Variants in EPS8L1 observed in about 807,000 individuals in gnomAD.
EPS8L1 encodes the protein EPS8 signaling adaptor L1.
A neutral mutation model predicts 91.7 loss-of-function variants in EPS8L1; 101 were observed. The ratio of observed to expected loss-of-function variants is 1.10; its 90% CI spans 0.94 to 1.30. The LOEUF (loss-of-function observed/expected upper bound fraction) is 1.30. EPS8L1 is among the 50% of genes most tolerant of loss of function. The pLI, the probability that EPS8L1 is intolerant of heterozygous loss-of-function variation, is 0.00. For missense variants in EPS8L1, 1,114 were observed against 1,017.0 expected (o/e 1.10, Z -1.30); for synonymous variants, 506 against 445.3 (o/e 1.14, Z -1.72).
chr19:55,087,105 C>A (rs2076360999), intron 18 of EPS8L1, 198 bp from the exon 19 acceptor site: 1 of 1,088,962 alleles, frequency 9.2e-7, no homozygotes, highest in Non-Finnish European at 1.3e-6. Flanking sequence ...ATCCCGTACC[C>A]TTTGAAAGCA....
chr19:55,080,842 C>T lies in EPS8L1; in HGVS notation c.500C>T (p.Ala167Val), dbSNP rs199851574. The T allele has an allele frequency of 8.7e-6, 14 of 1,609,748 alleles. No individual in the cohort carries two copies. Among genetic ancestry groups the T allele is most frequent in the South Asian group, 2.2e-5 (2 of 90,520 alleles). Residue 167 changes from alanine (A) to valine (V), a missense_variant, in exon 7 of 20, where the codon GCG becomes GTG. Coordinates refer to ENST00000201647, the MANE Select transcript of EPS8L1 (RefSeq NM_133180.3). ...CGCTCGGGCCGCGGGGAGCGCAGGGCGGCGGCGCTCAGGTGAGAGGGAAGA... is the reference window on the plus strand; with the variant it reads ...CGCTCGGGCCGCGGGGAGCGCAGGGTGGCGGCGCTCAGGTGAGAGGGAAGA... ...NYRSGRGERR[A>V]AALRATQEEL...
At position 55,083,875 on chromosome 19, in the gene EPS8L1, C is replaced by G; in HGVS notation, c.1385+231C>G. 1.5e-6 allele frequency: 1 copy of G among 675,264 alleles called. No homozygotes were observed. Among genetic ancestry groups the G allele is most frequent in the South Asian group, 1.7e-5 (1 of 58,334 alleles). The allele number at this position is 675,264 out of a possible 1,614,324, so 41.8% of individuals were successfully genotyped here. ...GCTAAGGGAGTTGGGAATGGAGACC[C>G]GGATTCCTGGGCCTAAGGGAGGAAG... is the stretch of plus-strand genomic sequence containing the variant. On this transcript the variant is annotated intron_variant, in intron 14 of 19. Coordinates refer to ENST00000201647, the MANE Select transcript of EPS8L1 (RefSeq NM_133180.3). This position sits in a 1 kb window ranked among gnomAD's most constrained non-coding sequence, Gnocchi z 4.7.
chr19:55,080,637 G>A, intron 6 of EPS8L1, 135 bp from the exon 7 acceptor site: 1 of 1,562,292 alleles, frequency 6.4e-7, no homozygotes, highest in Non-Finnish European at 8.7e-7. Context: ...TCGGGGCGTG[G>A]ACGTGCGTGG....
chr19:55,079,895 C>G (rs2076217951), intron 5 of EPS8L1, 44 bp downstream of exon 5: 2 of 1,562,000 alleles, frequency 1.3e-6, no homozygotes, highest in Non-Finnish European at 1.7e-6. Context: ...GGGGCAGGGA[C>G]TTCAGGGGGT....
intron 14 of EPS8L1, 146 bp from the exon 15 acceptor site, chr19:55,085,695 C>A: frequency 1.1e-6 from 1 of 932,518 alleles, no homozygotes; most frequent in Non-Finnish European, 1.6e-6. Context: ...GTCTGTTATT[C>A]TTGTTTCAAA....
At chr19:55,078,959 G>A in intron 3 of EPS8L1, 40 bp from the exon 4 acceptor site, 1 of 1,603,524 alleles carries the variant, frequency 6.2e-7, no homozygotes, top group Non-Finnish European at 8.5e-7. Context: ...GGAGGGGCTG[G>A]GCCTGGACTC....
intron 18 of EPS8L1, 75 bp from the exon 19 acceptor site, chr19:55,087,228 G>A: frequency 6.6e-7 from 1 of 1,521,302 alleles, no homozygotes; most frequent in African/African-American, 1.4e-5. Context: ...ACCATCGCCG[G>A]GTGGGCGTGA....
chr19:55,086,341 G>A (rs2076351753), intron 16 of EPS8L1, 51 bp from the exon 17 acceptor site: 14 of 1,603,000 alleles, frequency 8.7e-6, no homozygotes, highest in East Asian at 2.2e-5. Context: ...GGAGAGGCTG[G>A]GACTCTGAGT....
chr19:55,086,637 C>CCCCCCCCCCCCCCCCGGGG, intron 17 of EPS8L1, 77 bp from the exon 18 acceptor site: 4 of 1,374,354 alleles, frequency 2.9e-6, no homozygotes, highest in Non-Finnish European at 4.0e-6. Flanking sequence ...GCTGGAGCGC[C>CCCCCCCCCCCCCCCCGGGG]CCCCCGCCCC....
chr19:55,087,625 G>A lies in EPS8L1; in HGVS notation c.*11G>A, dbSNP rs762532344. The A allele has an allele frequency of 3.1e-6, 5 of 1,613,702 alleles. No homozygotes were observed. In the East Asian group the frequency reaches 6.7e-5, roughly 22 times the overall value. On this transcript the variant is annotated 3_prime_UTR_variant, in exon 20 of 20. Coordinates refer to ENST00000201647, the MANE Select transcript of EPS8L1 (RefSeq NM_133180.3). Reference sequence around the variant, plus strand: ...ATGGAGGTCATTTGACCTGCCAGGCGCCCTTCGCAAAGAGTGACGAGGCCC... The same window carrying A: ...ATGGAGGTCATTTGACCTGCCAGGCACCCTTCGCAAAGAGTGACGAGGCCC...
Position 55,086,518 on chromosome 19 carries a change from G to C in EPS8L1, c.1777G>C (p.Glu593Gln), listed in dbSNP as rs1397963441. 1 of 1,551,022 alleles carries C rather than the reference G, an allele frequency of 6.4e-7. No individual in the cohort carries two copies. ...SLNGLDPSEK[E>Q]KFSQMLIVNE... ...CAACGGCTTGGACCCCAGCGAGAAG[G>C]GTGAGTGGTGGGGACGCCGGCTGCG... Residue 593 changes from glutamate to glutamine, a missense_variant and splice_region_variant, in exon 17 of 20, where the codon GAG (glutamate) becomes CAG (glutamine). Glu to Gln is a conservative substitution (Grantham distance 29). Transcript: ENST00000201647.
Position 55,081,503 on chromosome 19 carries a change from A to T in EPS8L1, c.774+11A>T, listed in dbSNP as rs781207757. The T allele has an allele frequency of 2.6e-6, 4 of 1,567,580 alleles. No homozygotes were observed. In the South Asian group the frequency reaches 4.8e-5, roughly 19 times the overall value. ...GCGGAGCGGGAAGTGGTGAGCCGCT[A>T]AGGAAGGGGTCTGGGGGCAGGGCCA... On this transcript the variant is annotated intron_variant, in intron 8 of 19. Transcript: ENST00000201647. The surrounding 1 kb of genome is among the most constrained non-coding windows in gnomAD (Gnocchi z 4.9).
In EPS8L1 at chr19:55,081,989, G is replaced by C. The variant is rs1308214209; in HGVS notation, c.901+90G>C. The C allele has an allele frequency of 1.3e-6, 2 of 1,554,864 alleles. No homozygotes were observed. Among genetic ancestry groups the C allele is most frequent in the East Asian group, 4.8e-5 (2 of 41,418 alleles). On this transcript the variant is annotated intron_variant, in intron 9 of 19. Coordinates refer to ENST00000201647, the MANE Select transcript of EPS8L1 (RefSeq NM_133180.3). The surrounding 1 kb of genome is among the most constrained non-coding windows in gnomAD (Gnocchi z 4.9). The stretch of plus-strand genomic sequence containing the variant: ...CCCAGGCTCTCCCCTCCCGCCACTT[G>C]CCAGGGCTGACCTCACCGCCATCTT...
intron 6 of EPS8L1, 142 bp downstream of exon 6, chr19:55,080,420 A>AG: frequency 6.3e-7 from 1 of 1,597,688 alleles, no homozygotes; most frequent in Non-Finnish European, 8.5e-7. Context: ...GGACCTGGGA[A>AG]GGAAGTTCTG....
intron 6 of EPS8L1, chr19:55,080,517 G>A (rs765959884): frequency 4.2e-5 from 68 of 1,613,466 alleles, no homozygotes; most frequent in Non-Finnish European, 4.2e-5. Context: ...GGCCAAGAAG[G>A]ATCTGGGGGA....
At chr19:55,078,897 C>T in intron 3 of EPS8L1, 102 bp from the exon 4 acceptor site, 1 of 1,167,864 alleles carries the variant, frequency 8.6e-7, no homozygotes, top group Non-Finnish European at 1.3e-6. Context: ...GGGCTGGACT[C>T]CTAGGTTTGA....
Position 55,078,117 on chromosome 19 carries a change from A to C in EPS8L1, c.47A>C (p.Lys16Thr), listed in dbSNP as rs2076168206. 4 of 1,613,688 alleles carry C rather than the reference A, an allele frequency of 2.5e-6. No homozygotes were observed. The highest frequency in any genetic ancestry group is 3.4e-6 in the Non-Finnish European group (4 of 1,179,850). ...GPEAAPKPSA[K>T]SIYEQRKRYS... ...GAAGCTGCCCCAAAGCCAAGCGCCA[A>C]GTCTATCTATGGTGAGCGGGGGGCA... The change falls in exon 3 of 20, where the codon AAG becomes ACG. Residue 16 changes from lysine to threonine, a missense_variant. By Grantham distance (78) the Lys-to-Thr change is moderately conservative. Transcript: ENST00000201647.
At chr19:55,082,209 G>T (rs1206189582) in intron 10 of EPS8L1, 29 bp downstream of exon 10, 1 of 1,590,592 alleles carries the variant, frequency 6.3e-7, no homozygotes, top group Non-Finnish European at 8.6e-7. Flanking sequence ...CTGGGCCGGG[G>T]CGCGGGCACG....
At chr19:55,087,267 G>T (rs539475112) in intron 18 of EPS8L1, 36 bp from the exon 19 acceptor site, 3 of 1,565,466 alleles carry the variant, frequency 1.9e-6, no homozygotes, top group Middle Eastern at 2.3e-4. Context: ...GGCATCCGCC[G>T]ACCGGCCTGA....
Sources: gnomAD v4.1 joint callset for allele counts on GRCh38, gnomAD v4.1.1 for gene constraint, Gnocchi (gnomAD v3.1) non-coding constraint, MANE v1.5 for transcripts, NCBI Gene and HGNC (gene_info 2026-07-23, HGNC 2026-07-21) for gene names.